Variants in KCNH5 observed in about 807,000 individuals in gnomAD.
The protein encoded by KCNH5 is voltage-gated delayed rectifier potassium channel KCNH5.
In KCNH5, 46 loss-of-function variants were observed where a neutral mutation model predicts 96.1. The ratio of observed to expected loss-of-function variants is 0.48; its 90% confidence interval spans 0.38 to 0.61. The LOEUF (loss-of-function observed/expected upper bound fraction) is 0.61. KCNH5 is among the 20% of genes least tolerant of loss of function. The pLI is 0.00. For synonymous variants in KCNH5, 439 were observed against 449.8 expected (o/e 0.98, Z 0.30); for missense variants, 907 against 1,225.8 (o/e 0.74, Z 3.88).
intron 6 of KCNH5, among the ~76,000 whole-genome samples, chr14:62,956,915 T>C (rs1424301388): frequency 6.6e-6 from 1 of 152,186 alleles, no homozygotes; most frequent in Non-Finnish European, 1.5e-5. Context: ...CTCCAAACTT[T>C]CCAATCTTTC....
chr14:62,761,628 T>C (rs752872664), intron 10 of KCNH5, among the ~76,000 whole-genome samples: 13 of 152,158 alleles, frequency 8.5e-5, no homozygotes, highest in South Asian at 2.1e-4. Flanking sequence ...AAATACATTG[T>C]AATACAAGTC....
At chr14:62,812,815 G>A (rs1368899235) in intron 8 of KCNH5, among the ~76,000 whole-genome samples, 3 of 152,078 alleles carry the variant, frequency 2.0e-5, no homozygotes, top group South Asian at 2.1e-4. Context: ...AGATACCATC[G>A]TTACAAAACT....
At chr14:63,026,721 C>T (rs1253559251) in intron 1 of KCNH5, among the ~76,000 whole-genome samples, 1 of 151,768 alleles carries the variant, frequency 6.6e-6, no homozygotes, top group Non-Finnish European at 1.5e-5. Flanking sequence ...GACCAAGATG[C>T]CAAGAAATGG....
chr14:62,914,218 G>A lies in KCNH5; in HGVS notation c.1369+35915C>T, dbSNP rs953441583. 6.6e-5 allele frequency among the ~76,000 whole-genome samples: 10 copies of A among 152,122 alleles called. No homozygotes were observed. In the East Asian group the frequency reaches 7.7e-4, roughly 12 times the overall value. On this transcript the variant is annotated intron_variant, in intron 7 of 10. Transcript: ENST00000322893. Reference sequence around the variant, plus strand: ...AATAACCATCTCAACTGAGTTACTCGTGGTGAGTCATCATTTATGTTGGCC... The same window carrying A: ...AATAACCATCTCAACTGAGTTACTCATGGTGAGTCATCATTTATGTTGGCC...
At chr14:63,021,979 A>G (rs1263847730) in intron 1 of KCNH5, among the ~76,000 whole-genome samples, 2 of 152,136 alleles carry the variant, frequency 1.3e-5, no homozygotes, top group Admixed American at 6.6e-5. Context: ...TTATATGCTT[A>G]TCTATGTCCA....
intron 1 of KCNH5, among the ~76,000 whole-genome samples, chr14:63,029,265 CTCCCAGAACTTGGA>C (rs11271415): frequency 0.28 from 43,176 of 151,748 alleles, 7,287 homozygotes; most frequent in East Asian, 0.57. Context: ...CTCAAATATT[CTCCCAGAACTTGGA>C]TCCCTTCTCC....
chr14:62,984,528 C>A (rs113280647), intron 5 of KCNH5, among the ~76,000 whole-genome samples: 3 of 152,090 alleles, frequency 2.0e-5, no homozygotes, highest in African/African-American at 4.8e-5. Flanking sequence ...GTTTTGAGTA[C>A]CACTGGAAAA....
At chr14:63,017,330 A>T (rs998000017) in intron 1 of KCNH5, among the ~76,000 whole-genome samples, 10 of 151,930 alleles carry the variant, frequency 6.6e-5, no homozygotes, top group African/African-American at 2.2e-4. Flanking sequence ...TTCCCTACAA[A>T]TTGAGAATAT....
intron 6 of KCNH5, among the ~76,000 whole-genome samples, chr14:62,958,501 C>T (rs1019090459): frequency 2.6e-5 from 4 of 152,152 alleles, no homozygotes; most frequent in African/African-American, 7.2e-5. Context: ...ATTGAATCAT[C>T]CTGCTATCTG....
intron 4 of KCNH5, among the ~76,000 whole-genome samples, chr14:62,991,738 A>T (rs113404399): frequency 5.9e-5 from 9 of 152,146 alleles, no homozygotes; most frequent in South Asian, 2.1e-4. Context: ...TTTTTCTCAC[A>T]ACACCTATGC....
At chr14:62,932,438 A>G (rs1266972855) in intron 7 of KCNH5, among the ~76,000 whole-genome samples, 1 of 151,904 alleles carries the variant, frequency 6.6e-6, no homozygotes, top group South Asian at 2.1e-4. Flanking sequence ...CCATAGAGTA[A>G]AAAAGATAAA....
intron 10 of KCNH5, among the ~76,000 whole-genome samples, chr14:62,751,557 C>A (rs2139945342): frequency 6.6e-6 from 1 of 152,318 alleles, no homozygotes; most frequent in Admixed American, 6.5e-5. Flanking sequence ...TCTTCCATGG[C>A]CAGTTTTCTA....
chr14:62,898,479 G>A (rs913047312), intron 7 of KCNH5, among the ~76,000 whole-genome samples: 1 of 151,908 alleles, frequency 6.6e-6, no homozygotes, highest in Non-Finnish European at 1.5e-5. Flanking sequence ...AAAACAGAAA[G>A]CACAAAGTAA....
intron 1 of KCNH5, among the ~76,000 whole-genome samples, chr14:63,024,484 A>G (rs1050885219): frequency 6.6e-6 from 1 of 152,084 alleles, no homozygotes; most frequent in Non-Finnish European, 1.5e-5. Flanking sequence ...TTAAAAGGTC[A>G]GTGAAACTAC....
intron 1 of KCNH5, among the ~76,000 whole-genome samples, chr14:63,026,183 G>A (rs1274524345): frequency 6.6e-6 from 1 of 151,856 alleles, no homozygotes. Context: ...AAAATTAGAC[G>A]CTCATCTCAC....
At chr14:62,807,549 ATGCTTTAAGGTCATAAAC>A (rs1209305013) in intron 8 of KCNH5, among the ~76,000 whole-genome samples, 1 of 152,160 alleles carries the variant, frequency 6.6e-6, no homozygotes, top group Non-Finnish European at 1.5e-5. Context: ...AGTTTGCTAA[ATGCTTTAAGGTCATAAAC>A]TGCTTCTTGA....
chr14:63,039,979 T>C (rs1891792409), intron 1 of KCNH5, among the ~76,000 whole-genome samples: 1 of 152,098 alleles, frequency 6.6e-6, no homozygotes, highest in Admixed American at 6.6e-5. Context: ...GAGTGACCTC[T>C]TGTGGTAAAT....
intron 4 of KCNH5, among the ~76,000 whole-genome samples, chr14:62,988,811 T>C (rs1255128700): frequency 6.6e-6 from 1 of 152,112 alleles, no homozygotes; most frequent in African/African-American, 2.4e-5. Context: ...GCCAGACCTA[T>C]GTGTCTAGCT....
At chr14:62,710,242 C>T (rs1045550814) in intron 10 of KCNH5, among the ~76,000 whole-genome samples, 6 of 152,146 alleles carry the variant, frequency 3.9e-5, no homozygotes, top group African/African-American at 9.7e-5. Flanking sequence ...TTCAGTTTAT[C>T]GAGTGGTACT....
Sources: gnomAD v4.1 joint callset for allele counts (sites outside exome capture counted in the v4.1 genomes callset) on GRCh38, gnomAD v4.1.1 for gene constraint, MANE v1.5 for transcripts, NCBI Gene and HGNC (gene_info 2026-07-23, HGNC 2026-07-21) for gene names.